GABRA1: variants seen among roughly 807,000 people sequenced by gnomAD.
GABRA1 encodes gamma-aminobutyric acid type A receptor subunit alpha1.
In GABRA1, 9 loss-of-function variants were observed where a neutral mutation model predicts 48.9. That is an observed-to-expected ratio of 0.18 (90% confidence interval 0.11 to 0.32). The LOEUF (loss-of-function observed/expected upper bound fraction) is 0.32. GABRA1 is among the 10% of genes least tolerant of loss of function. The pLI, the probability that GABRA1 is intolerant of heterozygous loss-of-function variation, is 1.00. For synonymous variants in GABRA1, 210 were observed against 198.7 expected, an observed-to-expected ratio of 1.06 and a Z score of -0.48; for missense variants, 285 against 553.8, an observed-to-expected ratio of 0.51 and a Z score of 4.87.
intron 8 of GABRA1, among the ~76,000 whole-genome samples, chr5:161,892,550 G>C (rs1289447529): frequency 2.0e-5 from 3 of 152,130 alleles, no homozygotes; most frequent in Non-Finnish European, 4.4e-5. Context: ...GCAGTTCATT[G>C]CATACTCATT....
At position 161,882,535 on chromosome 5, in the gene GABRA1, C is replaced by A. The variant is rs185651289; in HGVS notation, c.560-23C>A. 32 of 1,608,690 alleles carry A rather than the reference C, an allele frequency of 2.0e-5. No homozygotes were observed. In the East Asian group the frequency reaches 6.9e-4, roughly 35 times the overall value. ...AATTGAAGTGGTAAAATATATGGAT[C>A]ATTTTCTACTGTTTCCTTTTAGATG... On this transcript the variant is annotated intron_variant, in intron 6 of 9. Coordinates refer to ENST00000393943, the MANE Select transcript of GABRA1 (RefSeq NM_001127644.2).
At chr5:161,886,699 C>A (rs1456992200) in intron 7 of GABRA1, among the ~76,000 whole-genome samples, 10 of 151,920 alleles carry the variant, frequency 6.6e-5, no homozygotes. Flanking sequence ...TCACCTGAAC[C>A]CAGGGAGGTA....
intron 9 of GABRA1, 65 bp downstream of exon 9, chr5:161,895,933 T>A: frequency 3.6e-6 from 5 of 1,389,918 alleles, no homozygotes; most frequent in Middle Eastern, 1.8e-4. Flanking sequence ...TGAAATGAGA[T>A]GTTTTGGCCT....
Position 161,897,458 on chromosome 5 carries a change from A to G in GABRA1, c.*36A>G. On this transcript the variant is annotated 3_prime_UTR_variant, in exon 10 of 10. Coordinates refer to ENST00000393943, the MANE Select transcript of GABRA1 (RefSeq NM_001127644.2). ...CACATTCTGTTGTTCAGTCCTCTGC[A>G]CTGGGAATTTATTTATGTTCTCAAC... 1 of 1,552,444 alleles carries G rather than the reference A, an allele frequency of 6.4e-7. No homozygotes were observed. The highest frequency in any genetic ancestry group is 1.7e-4 in the Middle Eastern group (1 of 5,950).
intron 3 of GABRA1, among the ~76,000 whole-genome samples, chr5:161,863,934 A>G (rs1382288466): frequency 6.6e-6 from 1 of 152,004 alleles, no homozygotes; most frequent in Non-Finnish European, 1.5e-5. Context: ...TGTTTTCAAC[A>G]GTGTTAGAAA....
At chr5:161,893,275 G>T (rs1449467673) in intron 8 of GABRA1, among the ~76,000 whole-genome samples, 1 of 151,932 alleles carries the variant, frequency 6.6e-6, no homozygotes, top group Non-Finnish European at 1.5e-5. Context: ...GGCCTTTGAT[G>T]AACATAACTA....
Position 161,862,565 on chromosome 5 carries a change from T to C in GABRA1, c.188-3156T>C, listed in dbSNP as rs368894228. On this transcript the variant is annotated intron_variant, in intron 3 of 9. Coordinates refer to ENST00000393943, the MANE Select transcript of GABRA1 (RefSeq NM_001127644.2). ...GTATATATGTGTTTTTGCATAACTCTGTAGGTACTCACATCTCTATCCATC... is the reference window on the plus strand; with the variant it reads ...GTATATATGTGTTTTTGCATAACTCCGTAGGTACTCACATCTCTATCCATC... 2.6e-5 allele frequency among the ~76,000 whole-genome samples: 4 copies of C among 152,038 alleles called. No homozygotes were observed. In the East Asian group the frequency reaches 7.8e-4, roughly 29 times the overall value.
chr5:161,894,407 T>G (rs1185890668), intron 8 of GABRA1, among the ~76,000 whole-genome samples: 1 of 152,166 alleles, frequency 6.6e-6, no homozygotes, highest in Non-Finnish European at 1.5e-5. Context: ...CATTTAATCC[T>G]CATGATAGTC....
At chr5:161,865,475 G>A (rs1409058435) in intron 3 of GABRA1, among the ~76,000 whole-genome samples, 2 of 152,042 alleles carry the variant, frequency 1.3e-5, no homozygotes, top group East Asian at 3.9e-4. Context: ...AATTCATTAG[G>A]CAGCAGCTGA....
At chr5:161,851,077 C>T (rs945032859) in intron 2 of GABRA1, among the ~76,000 whole-genome samples, 193 bp downstream of exon 2, 158 of 152,246 alleles carry the variant, frequency 1.0e-3, no homozygotes, top group African/African-American at 3.5e-3. Context: ...AGTTAGAATA[C>T]AATTAACAAG....
intron 4 of GABRA1, among the ~76,000 whole-genome samples, chr5:161,867,945 G>C (rs906297163): frequency 1.3e-5 from 2 of 151,634 alleles, no homozygotes; most frequent in Admixed American, 6.6e-5. Context: ...AACCTGTAAA[G>C]GCACATGTGT....
At chr5:161,848,917 C>CA in intron 1 of GABRA1, 3 of 453,648 alleles carry the variant, frequency 6.6e-6, no homozygotes, top group Non-Finnish European at 1.3e-5. Context: ...GTCCTGGCTG[C>CA]AAAATTGCCT....
chr5:161,883,013 C>A (rs573255834), intron 7 of GABRA1, among the ~76,000 whole-genome samples: 63 of 152,248 alleles, frequency 4.1e-4, no homozygotes, highest in Middle Eastern at 6.8e-3. Context: ...TATTCCCCAA[C>A]CTTGTCAGTT....
At chr5:161,865,668 T>C (rs1561571467) in intron 3 of GABRA1, 53 bp from the exon 4 acceptor site, 15 of 1,399,190 alleles carry the variant, frequency 1.1e-5, no homozygotes, top group Non-Finnish European at 1.4e-5. Context: ...GGTGGTGAGA[T>C]CTAATAAGGA....
At chr5:161,883,410 C>G (rs1055755195) in intron 7 of GABRA1, among the ~76,000 whole-genome samples, 1 of 152,064 alleles carries the variant, frequency 6.6e-6, no homozygotes, top group Non-Finnish European at 1.5e-5. Flanking sequence ...AAGCTGGACC[C>G]ACATCTTTAA....
At chr5:161,890,804 T>C (rs1041386756) in intron 7 of GABRA1, 94 bp from the exon 8 acceptor site, 1 of 1,148,438 alleles carries the variant, frequency 8.7e-7, no homozygotes, top group Non-Finnish European at 1.3e-6. Context: ...AGGATGTGTC[T>C]AATTCCCAGA....
intron 3 of GABRA1, among the ~76,000 whole-genome samples, chr5:161,864,469 C>A (rs976144047): frequency 1.3e-5 from 2 of 151,968 alleles, no homozygotes; most frequent in African/African-American, 4.8e-5. Context: ...TACTGACAGT[C>A]TTAACTCTTC....
chr5:161,885,285 G>A (rs1390542970), intron 7 of GABRA1, among the ~76,000 whole-genome samples: 1 of 152,080 alleles, frequency 6.6e-6, no homozygotes, highest in African/African-American at 2.4e-5. Context: ...AGACCTTTGT[G>A]TAAGGTCTGC....
chr5:161,879,365 G>A (rs577004534), intron 6 of GABRA1, among the ~76,000 whole-genome samples: 2 of 152,236 alleles, frequency 1.3e-5, no homozygotes, highest in Admixed American at 6.5e-5. Flanking sequence ...GCCCATGTTG[G>A]CCTTAAAAAA....
Sources: allele counts gnomAD v4.1 joint callset (sites outside exome capture counted in the v4.1 genomes callset), GRCh38; gene constraint gnomAD v4.1.1; transcripts MANE v1.5; gene names NCBI Gene and HGNC (gene_info 2026-07-23, HGNC 2026-07-21).